The following C10orf90 variants were observed in gnomAD, a reference collection of about 807,000 sequenced individuals.
The protein encoded by C10orf90 is chromosome 10 open reading frame 90.
Under a neutral mutation model 62.5 loss-of-function variants are expected in C10orf90, and 56 were observed. The ratio of observed to expected loss-of-function variants is 0.90; its 90% CI spans 0.72 to 1.12. The LOEUF is 1.12. C10orf90 is among the 50% of genes most tolerant of loss of function. The pLI is 0.00. For missense variants in C10orf90, 970 were observed against 880.4 expected (o/e 1.10, Z -1.29); for synonymous variants, 386 against 340.4 (o/e 1.13, Z -1.47).
At chr10:126,571,534 C>T (rs1033134415) in intron 2 of C10orf90, among the ~76,000 whole-genome samples, 1 of 152,180 alleles carries the variant, frequency 6.6e-6, no homozygotes, top group Admixed American at 6.5e-5. Flanking sequence ...AGGGAGGAGG[C>T]GGCACATGAA....
chr10:126,479,355 T>C (rs972530447), intron 4 of C10orf90, among the ~76,000 whole-genome samples: 23 of 152,158 alleles, frequency 1.5e-4, no homozygotes, highest in Admixed American at 1.4e-3. Context: ...GTCACACTGG[T>C]ATACACTTTG....
intron 2 of C10orf90, among the ~76,000 whole-genome samples, chr10:126,644,046 T>G (rs78081358): frequency 0.013 from 2,017 of 152,318 alleles, 34 homozygotes; most frequent in African/African-American, 0.045. Flanking sequence ...CTTGGCCTGT[T>G]TTAAGCCCAG....
chr10:126,441,688 A>G (rs1015165141), intron 7 of C10orf90, among the ~76,000 whole-genome samples: 4 of 152,224 alleles, frequency 2.6e-5, no homozygotes, highest in African/African-American at 9.6e-5. Flanking sequence ...CAGATTTCTC[A>G]GCAGAAACCC....
At chr10:126,545,375 C>A (rs550664817) in intron 2 of C10orf90, among the ~76,000 whole-genome samples, 1 of 152,246 alleles carries the variant, frequency 6.6e-6, no homozygotes, top group South Asian at 2.1e-4. Context: ...CTTGTTCTTC[C>A]CCTTTTATAA....
intron 2 of C10orf90, among the ~76,000 whole-genome samples, chr10:126,533,553 G>C (rs914199876): frequency 5.3e-5 from 8 of 152,210 alleles, no homozygotes; most frequent in African/African-American, 1.9e-4. Flanking sequence ...TGTAGCAATT[G>C]GGTGATTGGG....
rs1460651946 is a variant in C10orf90, at chr10:126,500,787, T to C, written c.1534+3170A>G. On this transcript the variant is annotated intron_variant, in intron 4 of 9. Transcript: ENST00000488181. ...CTATTTGAATTGCATGATGTGCTTG[T>C]GTCTCATTTTTCCTCATCTTCTCTT... Among the ~76,000 whole-genome samples the C allele has an allele frequency of 2.0e-5, 3 of 152,234 alleles. No individual in the cohort carries two copies. The South Asian group carries it at 6.2e-4, about 32-fold the overall frequency.
intron 1 of C10orf90, among the ~76,000 whole-genome samples, chr10:126,659,580 G>C (rs1432489506): frequency 6.6e-6 from 1 of 152,144 alleles, no homozygotes; most frequent in Non-Finnish European, 1.5e-5. Context: ...TTTTAGAGCT[G>C]TCTCAAAGTC....
At chr10:126,507,274 G>A (rs944209427) in intron 3 of C10orf90, among the ~76,000 whole-genome samples, 1 of 149,836 alleles carries the variant, frequency 6.7e-6, no homozygotes, top group African/African-American at 2.5e-5. Context: ...GGAGAATGGC[G>A]TGAACCCGAG....
intron 2 of C10orf90, among the ~76,000 whole-genome samples, chr10:126,567,456 C>G (rs535015526): frequency 4.6e-5 from 7 of 152,226 alleles, no homozygotes; most frequent in African/African-American, 1.7e-4. Flanking sequence ...CTGGAGATGA[C>G]AATTTGACAT....
chr10:126,461,233 T>C (rs2133723004), intron 6 of C10orf90, among the ~76,000 whole-genome samples, 168 bp downstream of exon 6: 1 of 152,258 alleles, frequency 6.6e-6, no homozygotes, highest in South Asian at 2.1e-4. Flanking sequence ...ATTCAAACAG[T>C]GACAGAGTGG....
intron 2 of C10orf90, among the ~76,000 whole-genome samples, chr10:126,613,806 G>C (rs559823549): frequency 2.0e-5 from 3 of 152,288 alleles, no homozygotes; most frequent in Admixed American, 6.5e-5. Context: ...CTGGATTTGA[G>C]CCTCTGGCTT....
rs780671267 is a variant in C10orf90, at chr10:126,425,906, G to C, written c.2353-4C>G. On this transcript the variant is annotated splice_polypyrimidine_tract_variant and splice_region_variant and intron_variant, in intron 9 of 9. Coordinates refer to ENST00000488181, the MANE Select transcript of C10orf90 (RefSeq NM_001350921.2). ...GAAGGAGCTGGTCCAGTAATTGCTA[G>C]AGGAAAAGGGAAACAAAGATGTCAA... 1.2e-6 allele frequency: 2 copies of C among 1,614,126 alleles called. No individual in the cohort carries two copies. Among genetic ancestry groups the C allele is most frequent in the South Asian group, 2.2e-5 (2 of 91,078 alleles).
At chr10:126,519,024 T>C (rs1302465981) in intron 2 of C10orf90, among the ~76,000 whole-genome samples, 2 of 152,148 alleles carry the variant, frequency 1.3e-5, no homozygotes, top group African/African-American at 2.4e-5. Flanking sequence ...CCAGCAACTC[T>C]AAGAGAAAGT....
chr10:126,515,960 G>T (rs1362701948), intron 2 of C10orf90, among the ~76,000 whole-genome samples: 2 of 152,172 alleles, frequency 1.3e-5, no homozygotes, highest in Non-Finnish European at 2.9e-5. Flanking sequence ...AAATATAAGG[G>T]CTGAAAGGTC....
chr10:126,654,490 G>A (rs1846353379), intron 1 of C10orf90, among the ~76,000 whole-genome samples: 1 of 152,138 alleles, frequency 6.6e-6, no homozygotes, highest in African/African-American at 2.4e-5. Context: ...ATAGAATTAT[G>A]GCTGGATTAG....
intron 2 of C10orf90, among the ~76,000 whole-genome samples, chr10:126,624,799 T>C (rs1845710857): frequency 6.6e-6 from 1 of 152,066 alleles, no homozygotes; most frequent in South Asian, 2.1e-4. Flanking sequence ...AAGGACTCCA[T>C]TAGCCCCCAC....
chr10:126,613,311 C>T (rs555804727), intron 2 of C10orf90, among the ~76,000 whole-genome samples: 6 of 152,216 alleles, frequency 3.9e-5, no homozygotes, highest in East Asian at 1.9e-4. Context: ...CTTGGCCCAC[C>T]GGAGGCTTGA....
intron 5 of C10orf90, among the ~76,000 whole-genome samples, chr10:126,463,751 A>G (rs1590951478): frequency 6.6e-6 from 1 of 152,158 alleles, no homozygotes; most frequent in Admixed American, 6.5e-5. Context: ...CCCTCCTCTG[A>G]GTGTCAGGGG....
chr10:126,663,409 C>T (rs1332730751), intron 1 of C10orf90, among the ~76,000 whole-genome samples: 6 of 152,172 alleles, frequency 3.9e-5, no homozygotes, highest in Non-Finnish European at 4.4e-5. Flanking sequence ...ATCCTCCTTC[C>T]GCCGCTCCTA....
Sources: gnomAD v4.1 joint callset for allele counts (sites outside exome capture counted in the v4.1 genomes callset) on GRCh38, gnomAD v4.1.1 for gene constraint, MANE v1.5 for transcripts, NCBI Gene and HGNC (gene_info 2026-07-23, HGNC 2026-07-21) for gene names.